Variants in TMTC1 observed in about 807,000 individuals in gnomAD.
TMTC1 encodes protein O-mannosyl-transferase TMTC1.
Under a neutral mutation model 104.8 loss-of-function variants are expected in TMTC1, and 73 were observed. The ratio of observed to expected loss-of-function variants is 0.70; its 90% CI spans 0.58 to 0.85. The LOEUF (loss-of-function observed/expected upper bound fraction) is 0.85, where lower values mean the gene tolerates loss of function less well. TMTC1 is among the 40% of genes least tolerant of loss of function. The pLI is 0.00. For synonymous variants in TMTC1, 434 were observed against 428.7 expected (o/e 1.01, Z -0.15); for missense variants, 1,035 against 1,096.1 (o/e 0.94, Z 0.79).
intron 9 of TMTC1, among the ~76,000 whole-genome samples, chr12:29,561,568 T>A: frequency 6.6e-6 from 1 of 152,218 alleles, no homozygotes; most frequent in East Asian, 1.9e-4. Context: ...ATACGTGCTT[T>A]CTGATTTACC....
chr12:29,528,997 T>C (rs1227189076), intron 11 of TMTC1, among the ~76,000 whole-genome samples: 1 of 152,214 alleles, frequency 6.6e-6, no homozygotes, highest in African/African-American at 2.4e-5. Context: ...TGGATTCTCA[T>C]ACCTGCTTCT....
chr12:29,604,165 G>A lies in TMTC1; in HGVS notation c.1250+13C>T, dbSNP rs756497131. On this transcript the variant is annotated intron_variant, in intron 7 of 17. Transcript: ENST00000539277. ...GGCAGGTCTTGTAGGAGGAAGTCAC[G>A]TGCAATAGTTACCTAGGCATGTAAA... 40 of 1,612,834 alleles carry A rather than the reference G, an allele frequency of 2.5e-5. No individual in the cohort carries two copies. The East Asian group carries it at 5.4e-4, about 22-fold the overall frequency.
chr12:29,604,755 GA>G (rs1331037368), intron 6 of TMTC1, among the ~76,000 whole-genome samples: 1 of 152,146 alleles, frequency 6.6e-6, no homozygotes, highest in Non-Finnish European at 1.5e-5. Flanking sequence ...TTCACCAGGA[GA>G]AGCAAAGTTT....
Position 29,520,728 on chromosome 12 carries a change from A to G in TMTC1, c.1786-8T>C. On this transcript the variant is annotated splice_region_variant and splice_polypyrimidine_tract_variant and intron_variant, in intron 11 of 17. Transcript: ENST00000539277. ...AGCTTCTTTAAACCGCTCCTTTAAA[A>G]AGAAAGAAACAAACAAAATAAGTGA... 6.2e-7 allele frequency: 1 copy of G among 1,603,570 alleles called. No individual in the cohort carries two copies. The highest frequency in any genetic ancestry group is 8.5e-7 in the Non-Finnish European group (1 of 1,175,800).
At chr12:29,546,574 T>A (rs1444141671) in intron 10 of TMTC1, among the ~76,000 whole-genome samples, 5 of 152,152 alleles carry the variant, frequency 3.3e-5, no homozygotes, top group African/African-American at 4.8e-5. Flanking sequence ...ATTTTTAGAT[T>A]TAAAAGCCTT....
intron 5 of TMTC1, among the ~76,000 whole-genome samples, chr12:29,670,643 T>C (rs1268961599): frequency 6.6e-6 from 1 of 152,086 alleles, no homozygotes; most frequent in Non-Finnish European, 1.5e-5. Flanking sequence ...AGGACATGAA[T>C]TCAGGGTCAG....
At chr12:29,566,082 CAG>C (rs904606030) in intron 9 of TMTC1, among the ~76,000 whole-genome samples, 9 of 152,150 alleles carry the variant, frequency 5.9e-5, no homozygotes, top group African/African-American at 2.2e-4. Flanking sequence ...AGAGGGGGAA[CAG>C]GGGATGCTGG....
chr12:29,643,688 ATATT>A (rs1394123496), intron 5 of TMTC1, among the ~76,000 whole-genome samples: 11 of 16,812 alleles, frequency 6.5e-4, no homozygotes, highest in African/African-American at 7.1e-4. Flanking sequence ...TATATTATAT[ATATT>A]ATATATATTA....
In TMTC1 at chr12:29,616,762, A is replaced by G. The variant is rs113625283; in HGVS notation, c.1129-12463T>C. Reference sequence around the variant, plus strand: ...GCCATTTTCTACACTAAAAATCACTATACATTTAGAGAACTTTGTTAAGCC... The same window carrying G: ...GCCATTTTCTACACTAAAAATCACTGTACATTTAGAGAACTTTGTTAAGCC... On this transcript the variant is annotated intron_variant, in intron 6 of 17. Coordinates refer to ENST00000539277, the MANE Select transcript of TMTC1 (RefSeq NM_001193451.2). Among the ~76,000 whole-genome samples the G allele has an allele frequency of 5.2e-3, 795 of 152,014 alleles. 6 individuals are homozygous for G. The highest frequency in any genetic ancestry group is 0.018 in the African/African-American group (756 of 41,444).
chr12:29,588,073 C>A (rs1946186421), intron 7 of TMTC1, among the ~76,000 whole-genome samples: 1 of 152,132 alleles, frequency 6.6e-6, no homozygotes, highest in Admixed American at 6.6e-5. Context: ...GTTAGTCCAG[C>A]TCCATAAAGT....
intron 5 of TMTC1, among the ~76,000 whole-genome samples, chr12:29,704,457 G>C (rs1357604715): frequency 6.6e-6 from 1 of 152,192 alleles, no homozygotes; most frequent in Non-Finnish European, 1.5e-5. Flanking sequence ...CAAGGGAATA[G>C]CCTACCTGGT....
At chr12:29,655,031 G>A (rs958764519) in intron 5 of TMTC1, among the ~76,000 whole-genome samples, 6 of 152,026 alleles carry the variant, frequency 3.9e-5, no homozygotes, top group Admixed American at 1.3e-4. Context: ...TTACAGGCTC[G>A]TGCCACCACA....
chr12:29,699,261 T>C (rs1405185507), intron 5 of TMTC1, among the ~76,000 whole-genome samples: 2 of 152,214 alleles, frequency 1.3e-5, no homozygotes, highest in South Asian at 2.1e-4. Flanking sequence ...TATTTGCTCA[T>C]GCACAATTCT....
intron 5 of TMTC1, among the ~76,000 whole-genome samples, chr12:29,638,902 G>A (rs1355722826): frequency 6.6e-6 from 1 of 152,146 alleles, no homozygotes; most frequent in East Asian, 1.9e-4. Flanking sequence ...AATTACCATT[G>A]ATGTTTCAAA....
At chr12:29,629,645 A>G (rs1245844915) in intron 6 of TMTC1, among the ~76,000 whole-genome samples, 1 of 152,190 alleles carries the variant, frequency 6.6e-6, no homozygotes, top group East Asian at 1.9e-4. Flanking sequence ...AAAGCACATT[A>G]AAGGTTATCA....
chr12:29,685,005 AC>A (rs1309132039), intron 5 of TMTC1, among the ~76,000 whole-genome samples: 2 of 152,160 alleles, frequency 1.3e-5, no homozygotes, highest in African/African-American at 4.8e-5. Context: ...TCTATTGCCA[AC>A]CTAAGAAACT....
At position 29,751,739 on chromosome 12, in the gene TMTC1, G is replaced by A. The variant is rs761858669; in HGVS notation, c.865C>T (p.His289Tyr). 7.4e-6 allele frequency: 12 copies of A among 1,613,980 alleles called. No individual in the cohort carries two copies. The South Asian group carries it at 1.1e-4, about 15-fold the overall frequency. Residue 289 changes from histidine to tyrosine, a missense_variant, in exon 5 of 18, where the codon CAC becomes TAC. His to Tyr is a moderately conservative substitution (Grantham distance 83). Transcript: ENST00000539277. Reference sequence around the variant, plus strand: ...TTGGGTTCTGGTGGCAGTGGAGAGTGGCAGCCACCCCAAGCTCCTTTGTGA... The same window carrying A: ...TTGGGTTCTGGTGGCAGTGGAGAGTAGCAGCCACCCCAAGCTCCTTTGTGA... ...FPHKGAWGGCHSPLPPEPKSS... is the reference protein window; with the variant it reads ...FPHKGAWGGCYSPLPPEPKSS...
chr12:29,729,007 A>T (rs1254757618), intron 5 of TMTC1, among the ~76,000 whole-genome samples: 8 of 151,046 alleles, frequency 5.3e-5, no homozygotes, highest in Admixed American at 5.3e-4. Context: ...CCAAAAAAAA[A>T]AAAAAAAAAA....
intron 6 of TMTC1, among the ~76,000 whole-genome samples, chr12:29,616,962 T>C (rs933094075): frequency 6.6e-6 from 1 of 152,102 alleles, no homozygotes; most frequent in Non-Finnish European, 1.5e-5. Context: ...CTTATAACTT[T>C]ATTCTCTATA....
Sources: allele counts gnomAD v4.1 joint callset (sites outside exome capture counted in the v4.1 genomes callset), GRCh38; gene constraint gnomAD v4.1.1; transcripts MANE v1.5; gene names NCBI Gene and HGNC (gene_info 2026-07-23, HGNC 2026-07-21).